Variants in LDLRAD3 observed in about 807,000 individuals in gnomAD.
The protein encoded by LDLRAD3 is low density lipoprotein receptor class A domain containing 3.
LDLRAD3 carries 20 observed loss-of-function variants against 29.4 expected under a neutral mutation model. That is an observed-to-expected ratio of 0.68 (90% CI 0.48 to 0.99). The LOEUF (loss-of-function observed/expected upper bound fraction) is 0.99, where lower values mean the gene tolerates loss of function less well. Ranked by LOEUF, LDLRAD3 falls within the 50% of genes least tolerant of loss-of-function variation. The pLI, the probability that LDLRAD3 is intolerant of heterozygous loss-of-function variation, is 0.00. For synonymous variants in LDLRAD3, 157 were observed against 192.7 expected (o/e 0.81, Z 1.53); for missense variants, 420 against 454.3 (o/e 0.92, Z 0.69).
chr11:36,198,213 A>G (rs1165055907), intron 4 of LDLRAD3, among the ~76,000 whole-genome samples: 1 of 152,232 alleles, frequency 6.6e-6, no homozygotes, highest in Non-Finnish European at 1.5e-5. Context: ...TTGACCTGAG[A>G]TGAAGGAGAG....
At chr11:36,052,331 T>C (rs1474261058) in intron 2 of LDLRAD3, among the ~76,000 whole-genome samples, 1 of 152,182 alleles carries the variant, frequency 6.6e-6, no homozygotes, top group Non-Finnish European at 1.5e-5. Flanking sequence ...CCTAAAGAAA[T>C]CAAATAGATC....
chr11:36,108,035 G>A (rs193262004), intron 4 of LDLRAD3, among the ~76,000 whole-genome samples: 2 of 152,216 alleles, frequency 1.3e-5, no homozygotes, highest in East Asian at 1.9e-4. Context: ...TCCAGGCCAG[G>A]CACGGTGGCT....
intron 4 of LDLRAD3, among the ~76,000 whole-genome samples, chr11:36,162,827 T>C (rs1854462362): frequency 1.3e-5 from 2 of 152,230 alleles, no homozygotes. Context: ...TGGCTAACTT[T>C]GCAGCTTCCC....
chr11:35,972,106 G>A (rs1004432014), intron 1 of LDLRAD3, among the ~76,000 whole-genome samples: 6 of 152,128 alleles, frequency 3.9e-5, no homozygotes, highest in African/African-American at 1.4e-4. Flanking sequence ...CTGGCATCTA[G>A]ATGACCACTC....
chr11:36,225,990 C>T (rs1036944993), intron 4 of LDLRAD3, among the ~76,000 whole-genome samples: 58 of 152,046 alleles, frequency 3.8e-4, no homozygotes, highest in African/African-American at 1.3e-3. Context: ...ATTGCTTGAA[C>T]CCAGGAGGCG....
intron 4 of LDLRAD3, among the ~76,000 whole-genome samples, chr11:36,202,636 T>C (rs998279923): frequency 2.6e-5 from 4 of 152,174 alleles, no homozygotes; most frequent in African/African-American, 9.6e-5. Context: ...AAGGAAATTA[T>C]TGTAAGTCCC....
intron 4 of LDLRAD3, among the ~76,000 whole-genome samples, chr11:36,138,218 C>T (rs1387892883): frequency 6.6e-6 from 1 of 152,216 alleles, no homozygotes; most frequent in East Asian, 1.9e-4. Context: ...CCTTTCTTAA[C>T]TTTGTGACCA....
chr11:36,042,069 AGGGTTGAGAGGG>A (rs1852390247), intron 2 of LDLRAD3, among the ~76,000 whole-genome samples: 4 of 152,192 alleles, frequency 2.6e-5, no homozygotes, highest in Non-Finnish European at 5.9e-5. Context: ...TCCATGAGAT[AGGGTTGAGAGGG>A]CAAGTTTGGG....
chr11:36,191,139 C>T (rs1854935066), intron 4 of LDLRAD3, among the ~76,000 whole-genome samples: 1 of 152,120 alleles, frequency 6.6e-6, no homozygotes, highest in Non-Finnish European at 1.5e-5. Context: ...TGGAATGACA[C>T]TGAAGGGCCA....
chr11:36,167,281 C>T (rs190251487), intron 4 of LDLRAD3, among the ~76,000 whole-genome samples: 5 of 152,048 alleles, frequency 3.3e-5, no homozygotes, highest in Admixed American at 6.6e-5. Flanking sequence ...GGATGAGGCC[C>T]GCCCACACTA....
chr11:36,013,111 A>G (rs1851975708), intron 1 of LDLRAD3, among the ~76,000 whole-genome samples: 2 of 152,236 alleles, frequency 1.3e-5, no homozygotes, highest in Admixed American at 6.5e-5. Flanking sequence ...TGTTTTCCAA[A>G]TATCGCTGAG....
intron 1 of LDLRAD3, among the ~76,000 whole-genome samples, chr11:36,029,609 C>A (rs576294769): frequency 3.1e-4 from 47 of 152,286 alleles, no homozygotes; most frequent in African/African-American, 8.7e-4. Flanking sequence ...TAAGTAGCAG[C>A]TATCAGGCCC....
chr11:35,958,991 G>A (rs931394807), intron 1 of LDLRAD3, among the ~76,000 whole-genome samples: 2 of 152,156 alleles, frequency 1.3e-5, no homozygotes, highest in African/African-American at 4.8e-5. Flanking sequence ...CAGCAGCATT[G>A]GGCCTCCAGG....
chr11:36,039,427 T>C (rs1590220649), intron 2 of LDLRAD3, among the ~76,000 whole-genome samples: 2 of 151,934 alleles, frequency 1.3e-5, no homozygotes, highest in Non-Finnish European at 2.9e-5. Context: ...TTGGGAGGTT[T>C]AAAGAGAATT....
chr11:35,962,606 G>A (rs1851291537), intron 1 of LDLRAD3, among the ~76,000 whole-genome samples: 1 of 152,116 alleles, frequency 6.6e-6, no homozygotes, highest in African/African-American at 2.4e-5. Flanking sequence ...TCATACAGTG[G>A]ACTAAAGAGC....
At chr11:36,035,314 A>C (rs1207345965) in intron 1 of LDLRAD3, among the ~76,000 whole-genome samples, 2 of 151,892 alleles carry the variant, frequency 1.3e-5, no homozygotes, top group Non-Finnish European at 2.9e-5. Context: ...CCCAGGGTCT[A>C]CTGGTAGATG....
intron 4 of LDLRAD3, among the ~76,000 whole-genome samples, chr11:36,150,041 T>G (rs1854255317): frequency 6.6e-6 from 1 of 152,114 alleles, no homozygotes; most frequent in South Asian, 2.1e-4. Flanking sequence ...TCCTTTTTCA[T>G]TCCCCAAAAC....
chr11:36,036,120 G>C lies in LDLRAD3; in HGVS notation c.64G>C (p.Gly22Arg). The C allele has an allele frequency of 6.2e-7, 1 of 1,613,728 alleles. No homozygotes were observed. The highest frequency in any genetic ancestry group is 8.5e-7 in the Non-Finnish European group (1 of 1,179,794). Residue 22 changes from glycine (G) to arginine (R), a missense_variant, in exon 2 of 6, where the codon GGG becomes CGG. Physicochemically the swap from Gly to Arg is moderately radical, Grantham distance 125. Around this residue, in one of 3 missense-constraint regions of LDLRAD3, gnomAD observed 224 missense variants for 222.2 expected, o/e 1.01. Coordinates refer to ENST00000315571, the MANE Select transcript of LDLRAD3 (RefSeq NM_174902.4). ...TCTGACAGAGAGCCAGCTGCTCCCCGGGAACAACTTCACCAATGAGTGCAA... is the reference window on the plus strand; with the variant it reads ...TCTGACAGAGAGCCAGCTGCTCCCCCGGAACAACTTCACCAATGAGTGCAA... The part of the protein sequence containing the change: ...SSAAESQLLP[G>R]NNFTNECNIP...
At chr11:35,975,041 ACT>A (rs777345622) in intron 1 of LDLRAD3, among the ~76,000 whole-genome samples, 4 of 152,114 alleles carry the variant, frequency 2.6e-5, no homozygotes, top group Admixed American at 1.3e-4. Flanking sequence ...GTGGAGCCTA[ACT>A]CTGTCCAGTT....
Sources: allele counts gnomAD v4.1 joint callset (sites outside exome capture counted in the v4.1 genomes callset), GRCh38; gene constraint gnomAD v4.1.1; regional missense constraint gnomAD v4.1.1; transcripts MANE v1.5; gene names NCBI Gene and HGNC (gene_info 2026-07-23, HGNC 2026-07-21).